CDH12: variants seen among roughly 807,000 people sequenced by gnomAD.
The protein encoded by CDH12 is cadherin-12.
Under a neutral mutation model 74.1 loss-of-function variants are expected in CDH12, and 41 were observed. The observed-to-expected ratio is 0.55, with a 90% confidence interval of 0.43 to 0.72. The LOEUF is 0.72. Among genes scored for constraint, CDH12 ranks in the 30% least tolerant of loss-of-function variants. The pLI, the probability that CDH12 is intolerant of heterozygous loss-of-function variation, is 0.00. For synonymous variants in CDH12, 399 were observed against 355.0 expected (o/e 1.12, Z -1.39); for missense variants, 945 against 977.2 (o/e 0.97, Z 0.44).
chr5:22,357,362 A>T (rs1003127771), intron 3 of CDH12, among the ~76,000 whole-genome samples: 1 of 152,116 alleles, frequency 6.6e-6, no homozygotes, highest in Non-Finnish European at 1.5e-5. Context: ...ATTGAAAGAG[A>T]TTGCTTAGAT....
intron 1 of CDH12, among the ~76,000 whole-genome samples, chr5:22,572,976 G>T (rs1739611827): frequency 6.6e-6 from 1 of 152,122 alleles, no homozygotes; most frequent in Non-Finnish European, 1.5e-5. Context: ...AAACTGAAAT[G>T]CTTTGTATTT....
At chr5:21,806,929 A>G (rs1388074111) in intron 9 of CDH12, among the ~76,000 whole-genome samples, 1 of 152,174 alleles carries the variant, frequency 6.6e-6, no homozygotes, top group African/African-American at 2.4e-5. Context: ...CTGGGCCAAA[A>G]CCATGTTTGC....
intron 1 of CDH12, among the ~76,000 whole-genome samples, chr5:22,629,921 C>T (rs1042467975): frequency 2.6e-5 from 4 of 151,982 alleles, no homozygotes; most frequent in Admixed American, 6.6e-5. Flanking sequence ...TTTCAGAATA[C>T]AAAATCAATA....
At chr5:22,827,621 T>C (rs1018378559) in intron 1 of CDH12, among the ~76,000 whole-genome samples, 1 of 152,204 alleles carries the variant, frequency 6.6e-6, no homozygotes, top group Non-Finnish European at 1.5e-5. Flanking sequence ...AGGCTCTTCA[T>C]GTTGACAACA....
chr5:22,301,834 A>C (rs2150420312), intron 3 of CDH12, among the ~76,000 whole-genome samples: 1 of 151,550 alleles, frequency 6.6e-6, no homozygotes, highest in South Asian at 2.1e-4. Context: ...TCATTTATTT[A>C]TTTATTGTAT....
At chr5:22,382,179 T>A (rs1010445865) in intron 3 of CDH12, among the ~76,000 whole-genome samples, 113 of 145,862 alleles carry the variant, frequency 7.7e-4, no homozygotes, top group Non-Finnish European at 1.0e-3. Context: ...TATATATTTA[T>A]AATATATATT....
At position 22,116,284 on chromosome 5, in the gene CDH12, T is replaced by G. The variant is rs190354843; in HGVS notation, c.-186-37422A>C. ...TTGGCTTGCAGATGAAAGGGGGCCATGTGTCAAGGAAATGGAAACATCAGT... is the reference window on the plus strand; with the variant it reads ...TTGGCTTGCAGATGAAAGGGGGCCAGGTGTCAAGGAAATGGAAACATCAGT... On this transcript the variant is annotated intron_variant, in intron 4 of 14. Coordinates refer to ENST00000382254, the MANE Select transcript of CDH12 (RefSeq NM_004061.5). Among the ~76,000 whole-genome samples, 19 of 152,162 alleles carry G rather than the reference T, an allele frequency of 1.2e-4. No homozygotes were observed. In the East Asian group the frequency reaches 3.7e-3, roughly 30 times the overall value.
intron 2 of CDH12, among the ~76,000 whole-genome samples, chr5:22,500,763 T>C (rs554838729): frequency 2.0e-5 from 3 of 152,280 alleles, no homozygotes; most frequent in African/African-American, 7.2e-5. Flanking sequence ...ATCCTTACCA[T>C]GATTTATGAG....
intron 1 of CDH12, among the ~76,000 whole-genome samples, chr5:22,706,765 A>C (rs1743029290): frequency 6.6e-6 from 1 of 152,162 alleles, no homozygotes; most frequent in African/African-American, 2.4e-5. Context: ...TTACTGAGAA[A>C]AAGTTGTTGG....
intron 1 of CDH12, among the ~76,000 whole-genome samples, chr5:22,825,282 T>A (rs1037736016): frequency 2.1e-5 from 3 of 146,318 alleles, no homozygotes; most frequent in African/African-American, 2.4e-5. Flanking sequence ...ACATATATAA[T>A]TTTTTAGAAA....
At chr5:22,238,818 C>A (rs192873885) in intron 3 of CDH12, among the ~76,000 whole-genome samples, 15 of 152,078 alleles carry the variant, frequency 9.9e-5, no homozygotes, top group African/African-American at 3.6e-4. Flanking sequence ...GCCATCTTGT[C>A]CATTTTGAGG....
intron 6 of CDH12, among the ~76,000 whole-genome samples, chr5:21,912,680 C>T (rs937842041): frequency 2.0e-5 from 3 of 152,152 alleles, no homozygotes; most frequent in Admixed American, 6.6e-5. Context: ...GATGCCCGGT[C>T]CACACCCTAA....
intron 3 of CDH12, among the ~76,000 whole-genome samples, chr5:22,302,688 A>G (rs906625853): frequency 1.2e-4 from 18 of 152,190 alleles, no homozygotes; most frequent in Non-Finnish European, 2.4e-4. Flanking sequence ...ATCAGTGTAC[A>G]GGTCTCTGAA....
intron 1 of CDH12, among the ~76,000 whole-genome samples, chr5:22,831,048 G>A (rs1268231528): frequency 6.6e-6 from 1 of 151,794 alleles, no homozygotes; most frequent in Non-Finnish European, 1.5e-5. Flanking sequence ...TATATTCTGA[G>A]ATTCAAATAT....
intron 4 of CDH12, among the ~76,000 whole-genome samples, chr5:22,098,726 A>T (rs1743953130): frequency 6.6e-6 from 1 of 151,880 alleles, no homozygotes; most frequent in Non-Finnish European, 1.5e-5. Context: ...ACCACACCTG[A>T]CCCCCATGAC....
intron 6 of CDH12, among the ~76,000 whole-genome samples, chr5:21,939,162 A>T (rs1457070776): frequency 5.3e-5 from 8 of 151,760 alleles, no homozygotes; most frequent in Admixed American, 5.3e-4. Context: ...AATAATATGT[A>T]TACTTTAATA....
chr5:21,849,865 C>T (rs1032634013), intron 7 of CDH12, among the ~76,000 whole-genome samples: 6 of 151,606 alleles, frequency 4.0e-5, no homozygotes, highest in African/African-American at 9.7e-5. Context: ...ATGTTTATTG[C>T]AACATTATTC....
In CDH12 at chr5:21,826,352, C is replaced by T. The variant is rs1239109593; in HGVS notation, c.815-9220G>A. 3.9e-5 allele frequency among the ~76,000 whole-genome samples: 6 copies of T among 152,170 alleles called. No individual in the cohort carries two copies. In the East Asian group the frequency reaches 1.2e-3, roughly 29 times the overall value. ...ACTCTCTCAGCAAGTAGTATTTCCA[C>T]CTCTCCAGTTCCATGAACTAGAATC... On this transcript the variant is annotated intron_variant, in intron 8 of 14. Transcript: ENST00000382254.
chr5:22,067,005 G>A lies in CDH12; in HGVS notation c.231+11441C>T, dbSNP rs186005704. ...ACATAAATTTTCTCCATTAATGTTG[G>A]TAAAGACCACCATTAGCAGTTTGCT... is the stretch of plus-strand genomic sequence containing the variant. On this transcript the variant is annotated intron_variant, in intron 5 of 14. Coordinates refer to ENST00000382254, the MANE Select transcript of CDH12 (RefSeq NM_004061.5). 3.0e-3 allele frequency among the ~76,000 whole-genome samples: 464 copies of A among 152,214 alleles called. 11 individuals are homozygous for A. Among genetic ancestry groups the A allele is most frequent in the Admixed American group, 0.026 (390 of 15,274 alleles).
Sources: gnomAD v4.1 joint callset for allele counts (sites outside exome capture counted in the v4.1 genomes callset) on GRCh38, gnomAD v4.1.1 for gene constraint, MANE v1.5 for transcripts, NCBI Gene and HGNC (gene_info 2026-07-23, HGNC 2026-07-21) for gene names.